The following EYS variants were observed in gnomAD, a reference collection of about 807,000 sequenced individuals.
EYS encodes the protein EGF-like photoreceptor maintenance factor.
Under a neutral mutation model 282.1 loss-of-function variants are expected in EYS, and 250 were observed. The observed-to-expected ratio is 0.89, with a 90% CI of 0.80 to 0.98. The LOEUF (loss-of-function observed/expected upper bound fraction) is 0.98. EYS is among the 50% of genes least tolerant of loss of function. The pLI is 0.00. For synonymous variants in EYS, 1,355 were observed against 1,282.9 expected (o/e 1.06, Z -1.20); for missense variants, 4,016 against 3,709.0 (o/e 1.08, Z -2.15).
intron 31 of EYS, among the ~76,000 whole-genome samples, chr6:64,184,770 T>G (rs1459996857): frequency 6.6e-6 from 1 of 152,206 alleles, no homozygotes; most frequent in East Asian, 1.9e-4. Flanking sequence ...ATTGATTTCA[T>G]AAATCTGATT....
chr6:65,055,850 T>G (rs562969189), intron 13 of EYS, among the ~76,000 whole-genome samples: 501 of 152,144 alleles, frequency 3.3e-3, no homozygotes, highest in African/African-American at 0.012. Context: ...TTAACCTTGG[T>G]CCTGTAGCTC....
chr6:65,424,873 A>G (rs1767600688), intron 5 of EYS, among the ~76,000 whole-genome samples: 1 of 152,034 alleles, frequency 6.6e-6, no homozygotes, highest in African/African-American at 2.4e-5. Flanking sequence ...CCTCAAGTGC[A>G]TATGAACTAT....
chr6:64,934,623 A>G (rs768444377), intron 15 of EYS, among the ~76,000 whole-genome samples: 2 of 151,340 alleles, frequency 1.3e-5, no homozygotes, highest in Non-Finnish European at 3.0e-5. Context: ...GAAGTGCTAA[A>G]AGAAAAAAAA....
At chr6:65,398,826 C>T (rs1426854227) in intron 7 of EYS, among the ~76,000 whole-genome samples, 2 of 152,082 alleles carry the variant, frequency 1.3e-5, no homozygotes, top group African/African-American at 4.8e-5. Context: ...TTTTACACTC[C>T]TGCCAACCAG....
chr6:64,246,018 C>CAA (rs60121734), intron 30 of EYS, among the ~76,000 whole-genome samples: 6 of 56,194 alleles, frequency 1.1e-4, no homozygotes, highest in African/African-American at 4.1e-4. Context: ...AACTCCGTCT[C>CAA]AAAAAAAAAA....
At chr6:65,102,263 T>G (rs576466758) in intron 12 of EYS, among the ~76,000 whole-genome samples, 1 of 151,452 alleles carries the variant, frequency 6.6e-6, no homozygotes, top group East Asian at 1.9e-4. Context: ...TTCAACCATT[T>G]AAAAGCAAAA....
intron 30 of EYS, among the ~76,000 whole-genome samples, chr6:64,252,386 T>G (rs1331441112): frequency 6.6e-6 from 1 of 152,150 alleles, no homozygotes; most frequent in African/African-American, 2.4e-5. Context: ...GACAGTCCAC[T>G]GTTGACTATC....
intron 5 of EYS, among the ~76,000 whole-genome samples, chr6:65,429,899 T>C (rs1392551092): frequency 6.6e-6 from 1 of 152,184 alleles, no homozygotes; most frequent in African/African-American, 2.4e-5. Flanking sequence ...ATACTTTTAG[T>C]AATACTTTTA....
intron 36 of EYS, among the ~76,000 whole-genome samples, chr6:63,823,858 CT>C (rs931537539): frequency 3.3e-5 from 5 of 151,878 alleles, no homozygotes; most frequent in Admixed American, 6.6e-5. Flanking sequence ...CATTATTGTT[CT>C]TTTTTTCTAA....
chr6:65,336,220 C>T (rs1769984603), intron 10 of EYS, among the ~76,000 whole-genome samples: 4 of 151,690 alleles, frequency 2.6e-5, no homozygotes, highest in Admixed American at 2.6e-4. Context: ...AGTTAGCGAA[C>T]TGATATCACA....
At chr6:65,512,881 T>A (rs1168138060) in intron 2 of EYS, among the ~76,000 whole-genome samples, 2 of 151,902 alleles carry the variant, frequency 1.3e-5, no homozygotes, top group Non-Finnish European at 2.9e-5. Context: ...TTAAAAGAAC[T>A]AGAAAAGCAA....
intron 26 of EYS, among the ~76,000 whole-genome samples, chr6:64,463,136 A>G (rs1314676472): frequency 2.0e-5 from 3 of 151,716 alleles, no homozygotes; most frequent in Non-Finnish European, 4.4e-5. Context: ...TTTTTTTACT[A>G]GAGATGGGGT....
At chr6:64,757,578 C>T (rs1305368143) in intron 22 of EYS, among the ~76,000 whole-genome samples, 3 of 152,074 alleles carry the variant, frequency 2.0e-5, no homozygotes, top group African/African-American at 7.2e-5. Context: ...TATGCATCTG[C>T]TTAACCAATG....
intron 2 of EYS, among the ~76,000 whole-genome samples, chr6:65,591,701 A>T (rs1765240095): frequency 6.6e-6 from 1 of 151,742 alleles, no homozygotes; most frequent in Non-Finnish European, 1.5e-5. Flanking sequence ...CTTTCCCCTG[A>T]TTTTTGCCTG....
At chr6:63,832,806 A>G (rs746301411) in intron 36 of EYS, among the ~76,000 whole-genome samples, 1 of 152,332 alleles carries the variant, frequency 6.6e-6, no homozygotes, top group South Asian at 2.1e-4. Context: ...ACATCAATGT[A>G]AAAATCCTCA....
chr6:64,859,689 C>T (rs1407171687), intron 19 of EYS, among the ~76,000 whole-genome samples: 2 of 152,146 alleles, frequency 1.3e-5, no homozygotes, highest in African/African-American at 4.8e-5. Context: ...TTTCACTTTC[C>T]CCTGTGATTG....
At chr6:64,378,867 T>C (rs950879435) in intron 29 of EYS, among the ~76,000 whole-genome samples, 4 of 152,166 alleles carry the variant, frequency 2.6e-5, no homozygotes, top group African/African-American at 9.7e-5. Context: ...ATGGAGCATA[T>C]CTCAAAAACC....
chr6:65,359,167 A>G lies in EYS; in HGVS notation c.1300-5550T>C, dbSNP rs554293524. ...GATGAAATGGTTTCACAATGACAGTAAAAAGAAACAAGAGAATCAAGAAAT... is the reference window on the plus strand; with the variant it reads ...GATGAAATGGTTTCACAATGACAGTGAAAAGAAACAAGAGAATCAAGAAAT... On this transcript the variant is annotated intron_variant, in intron 8 of 42. Transcript: ENST00000503581. 2.0e-4 allele frequency among the ~76,000 whole-genome samples: 30 copies of G among 152,182 alleles called. No individual in the cohort carries two copies. In the East Asian group the frequency reaches 5.4e-3, roughly 27 times the overall value.
chr6:64,319,688 C>T (rs1363815380), intron 29 of EYS, among the ~76,000 whole-genome samples: 1 of 86,232 alleles, frequency 1.2e-5, no homozygotes, highest in Non-Finnish European at 2.4e-5. Flanking sequence ...CAGGCAATCT[C>T]AGATGGATGG....
Sources: gnomAD v4.1 joint callset for allele counts (sites outside exome capture counted in the v4.1 genomes callset) on GRCh38, gnomAD v4.1.1 for gene constraint, MANE v1.5 for transcripts, NCBI Gene and HGNC (gene_info 2026-07-23, HGNC 2026-07-21) for gene names.